BLK: variants seen among roughly 807,000 people sequenced by gnomAD.
BLK encodes BLK proto-oncogene, Src family tyrosine kinase.
A neutral mutation model predicts 61.8 loss-of-function variants in BLK; 64 were observed. That is an observed-to-expected ratio of 1.03 (90% CI 0.85 to 1.27). BLK has a LOEUF of 1.27. Ranked by LOEUF, BLK falls within the 50% of genes most tolerant of loss-of-function variation. The pLI is 0.00. For synonymous variants in BLK, 351 were observed against 272.0 expected (o/e 1.29, Z -2.86); for missense variants, 853 against 660.5 (o/e 1.29, Z -3.19).
At chr8:11,539,462 G>A (rs574418675) in intron 1 of BLK, among the ~76,000 whole-genome samples, 7 of 152,068 alleles carry the variant, frequency 4.6e-5, no homozygotes, top group Admixed American at 1.3e-4. Context: ...CGGGGGAGGG[G>A]ATTGTTTTTC....
intron 1 of BLK, among the ~76,000 whole-genome samples, chr8:11,523,971 A>C (rs1047728131): frequency 2.6e-5 from 4 of 152,212 alleles, no homozygotes; most frequent in African/African-American, 9.7e-5. Context: ...AAGATCTTTA[A>C]AAATGTGCAT....
chr8:11,497,000 G>C (rs527429453), intron 1 of BLK, among the ~76,000 whole-genome samples: 1 of 152,204 alleles, frequency 6.6e-6, no homozygotes, highest in Non-Finnish European at 1.5e-5. Flanking sequence ...CAGGGTTCAC[G>C]TGTATAGAGA....
At position 11,562,975 on chromosome 8, in the gene BLK, A is replaced by T; in HGVS notation, c.1181-4A>T. On this transcript the variant is annotated splice_polypyrimidine_tract_variant and splice_region_variant and intron_variant, in intron 11 of 12. Transcript: ENST00000259089. ...TCCCAAAGCTTGCATGGCTTTTCCC[A>T]CAGGGGCCAAGTTCCCCATCAAGTG... 6.2e-7 allele frequency: 1 copy of T among 1,613,984 alleles called. No homozygotes were observed. Among genetic ancestry groups the T allele is most frequent in the South Asian group, 1.1e-5 (1 of 91,082 alleles).
chr8:11,540,385 T>A (rs1315270469), intron 1 of BLK, among the ~76,000 whole-genome samples: 1 of 152,224 alleles, frequency 6.6e-6, no homozygotes, highest in Non-Finnish European at 1.5e-5. Flanking sequence ...CTCTGATGAT[T>A]GTTGTCTACT....
At chr8:11,555,771 A>G (rs1393700524) in intron 8 of BLK, 6 of 499,912 alleles carry the variant, frequency 1.2e-5, no homozygotes, top group Middle Eastern at 5.8e-4. Context: ...GGCTTTGACA[A>G]TGAGCTGCAG....
chr8:11,501,344 A>G (rs151066509), intron 1 of BLK, among the ~76,000 whole-genome samples: 306 of 138,442 alleles, frequency 2.2e-3, no homozygotes, highest in African/African-American at 7.7e-3. Context: ...GGGAAAGGCT[A>G]AACTCTCTCT....
intron 1 of BLK, among the ~76,000 whole-genome samples, chr8:11,539,500 T>C (rs1284202263): frequency 6.6e-6 from 1 of 152,222 alleles, no homozygotes; most frequent in African/African-American, 2.4e-5. Context: ...AACATTTTCA[T>C]CTCTCACATG....
At chr8:11,519,048 G>A (rs1180242985) in intron 1 of BLK, among the ~76,000 whole-genome samples, 2 of 152,110 alleles carry the variant, frequency 1.3e-5, no homozygotes, top group Admixed American at 1.3e-4. Context: ...GAAATCAGTG[G>A]CCGTTTACTT....
At position 11,548,017 on chromosome 8, in the gene BLK, C is replaced by A; in HGVS notation, c.176-15C>A. Reference sequence around the variant, plus strand: ...TGGGCCTGAGTGGTGGTCATCTCTCCCTTGTTCATTTTAGACAAGCATTTC... The same window carrying A: ...TGGGCCTGAGTGGTGGTCATCTCTCACTTGTTCATTTTAGACAAGCATTTC... On this transcript the variant is annotated splice_polypyrimidine_tract_variant and intron_variant, in intron 3 of 12. Transcript: ENST00000259089. 6.2e-7 allele frequency: 1 copy of A among 1,612,248 alleles called. No individual in the cohort carries two copies. The highest frequency in any genetic ancestry group is 8.5e-7 in the Non-Finnish European group (1 of 1,178,352).
chr8:11,519,689 T>C (rs1799365486), intron 1 of BLK, among the ~76,000 whole-genome samples: 1 of 152,220 alleles, frequency 6.6e-6, no homozygotes, highest in African/African-American at 2.4e-5. Context: ...TTATCTCAAT[T>C]GTATTGACTG....
At chr8:11,537,040 C>A (rs556472515) in intron 1 of BLK, among the ~76,000 whole-genome samples, 4 of 152,292 alleles carry the variant, frequency 2.6e-5, no homozygotes, top group South Asian at 2.1e-4. Flanking sequence ...AATAGAAGAA[C>A]CTCGTTGCTA....
At chr8:11,532,919 G>T (rs1799948660) in intron 1 of BLK, among the ~76,000 whole-genome samples, 1 of 152,202 alleles carries the variant, frequency 6.6e-6, no homozygotes, top group Non-Finnish European at 1.5e-5. Flanking sequence ...TAACAGTTCT[G>T]TGACTTACTG....
Position 11,554,907 on chromosome 8 carries a change from A to G in BLK, c.619+18A>G, listed in dbSNP as rs766121542. 1.2e-5 allele frequency: 19 copies of G among 1,609,828 alleles called. No homozygotes were observed. Among genetic ancestry groups the G allele is most frequent in the African/African-American group, 1.3e-5 (1 of 74,842 alleles). On this transcript the variant is annotated intron_variant, in intron 7 of 12. Coordinates refer to ENST00000259089, the MANE Select transcript of BLK (RefSeq NM_001715.3). ...CTATTCTAGTAAGAGGGGGCGTGCA[A>G]TGGGGGCAGGGACTTGTGCCAAGAG...
chr8:11,499,570 G>A (rs985273657), intron 1 of BLK, among the ~76,000 whole-genome samples: 4 of 152,136 alleles, frequency 2.6e-5, no homozygotes, highest in African/African-American at 9.7e-5. Flanking sequence ...AACAGAGGTT[G>A]GAAACTCACA....
intron 1 of BLK, among the ~76,000 whole-genome samples, chr8:11,538,635 A>G (rs577094169): frequency 1.6e-4 from 25 of 152,366 alleles, no homozygotes; most frequent in African/African-American, 5.8e-4. Flanking sequence ...GTCAATGGCA[A>G]TATGGCTGGC....
At chr8:11,551,038 T>C (rs1800875164) in intron 6 of BLK, among the ~76,000 whole-genome samples, 1 of 152,138 alleles carries the variant, frequency 6.6e-6, no homozygotes, top group African/African-American at 2.4e-5. Context: ...AAGAGCTACC[T>C]GCTGTCCTGA....
chr8:11,529,929 A>G (rs950235921), intron 1 of BLK, among the ~76,000 whole-genome samples: 8 of 152,286 alleles, frequency 5.3e-5, no homozygotes, highest in Non-Finnish European at 8.8e-5. Flanking sequence ...CCAAAAATCA[A>G]CCAAATATGG....
intron 1 of BLK, among the ~76,000 whole-genome samples, chr8:11,531,250 C>G (rs943526094): frequency 2.0e-5 from 3 of 152,104 alleles, no homozygotes; most frequent in African/African-American, 7.2e-5. Context: ...TCCTGCCTGT[C>G]TCTGATTTAG....
In BLK at chr8:11,556,857, C is replaced by T. The variant is rs759963387; in HGVS notation, c.952+20C>T. ...CCAGAGGTGGTGCCCCCCGCAGAGC[C>T]GCATCCTCAGAGCGAGGCGGGAGGG... is the stretch of plus-strand genomic sequence containing the variant. On this transcript the variant is annotated intron_variant, in intron 9 of 12. Coordinates refer to ENST00000259089, the MANE Select transcript of BLK (RefSeq NM_001715.3). 9.9e-6 allele frequency: 16 copies of T among 1,612,484 alleles called. No individual in the cohort carries two copies. Among genetic ancestry groups the T allele is most frequent in the African/African-American group, 5.3e-5 (4 of 74,890 alleles).
Sources: gnomAD v4.1 joint callset for allele counts (sites outside exome capture counted in the v4.1 genomes callset) on GRCh38, gnomAD v4.1.1 for gene constraint, MANE v1.5 for transcripts, NCBI Gene and HGNC (gene_info 2026-07-23, HGNC 2026-07-21) for gene names.